The following DOCK2 variants were observed in gnomAD, a reference collection of about 807,000 sequenced individuals.
The protein encoded by DOCK2 is dedicator of cytokinesis 2.
Under a neutral mutation model 248.9 loss-of-function variants are expected in DOCK2, and 87 were observed. The ratio of observed to expected loss-of-function variants is 0.35; its 90% CI spans 0.29 to 0.42. The LOEUF (loss-of-function observed/expected upper bound fraction) is 0.42, where lower values mean the gene tolerates loss of function less well. Ranked by LOEUF, DOCK2 falls within the 10% of genes least tolerant of loss-of-function variation. DOCK2 has a pLI of 1.00. For missense variants in DOCK2, 1,747 were observed against 2,300.2 expected (o/e 0.76, Z 4.92); for synonymous variants, 805 against 821.6 (o/e 0.98, Z 0.35).
In DOCK2 at chr5:169,983,054, T is replaced by C; in HGVS notation, c.2800-14T>C. 6.2e-7 allele frequency: 1 copy of C among 1,613,856 alleles called. No homozygotes were observed. On this transcript the variant is annotated splice_polypyrimidine_tract_variant and intron_variant, in intron 27 of 51. Transcript: ENST00000520908. Reference sequence around the variant, plus strand: ...CTCTCAACTATTTATAGTATTTGTCTTCATTTCTTGCAGAGTCACTTTGTG... The same window carrying C: ...CTCTCAACTATTTATAGTATTTGTCCTCATTTCTTGCAGAGTCACTTTGTG...
At chr5:169,915,673 A>G (rs115915532) in intron 27 of DOCK2, among the ~76,000 whole-genome samples, 1,528 of 152,014 alleles carry the variant, frequency 0.01, 29 homozygotes, top group African/African-American at 0.035. Flanking sequence ...ACTGATGTTC[A>G]TTATTTAGAT....
chr5:170,081,168 A>G (rs6885293), intron 50 of DOCK2: 110,031 of 152,422 alleles, frequency 0.72, 40,665 homozygotes, highest in African/African-American at 0.89. Context: ...AATGGCAGAG[A>G]CTGAGTTCAG....
intron 27 of DOCK2, chr5:169,883,488 G>A (rs1581353604): frequency 1.3e-6 from 2 of 1,551,608 alleles, no homozygotes; most frequent in East Asian, 2.4e-5. Flanking sequence ...GTTCAGAGAG[G>A]TTACCGTTGA....
At chr5:169,984,924 A>T (rs1375437606) in intron 28 of DOCK2, among the ~76,000 whole-genome samples, 1 of 151,896 alleles carries the variant, frequency 6.6e-6, no homozygotes, top group East Asian at 1.9e-4. Context: ...TTCTTTATTT[A>T]TTTTTTATTT....
intron 26 of DOCK2, among the ~76,000 whole-genome samples, chr5:169,822,725 A>G (rs1231289969): frequency 6.6e-6 from 1 of 152,224 alleles, no homozygotes; most frequent in Non-Finnish European, 1.5e-5. Context: ...AAGCAAGAAC[A>G]AACACATTCA....
chr5:169,723,021 GA>G (rs1762290438), intron 22 of DOCK2, among the ~76,000 whole-genome samples: 1 of 152,192 alleles, frequency 6.6e-6, no homozygotes, highest in Non-Finnish European at 1.5e-5. Flanking sequence ...TTTCCTCTGT[GA>G]GTGTGATCAG....
chr5:170,041,796 G>A (rs1276508741), intron 37 of DOCK2, among the ~76,000 whole-genome samples: 1 of 152,196 alleles, frequency 6.6e-6, no homozygotes, highest in Non-Finnish European at 1.5e-5. Context: ...GCTGCCTGGA[G>A]GGCAACCTCC....
chr5:170,064,311 T>C (rs1035047070), intron 44 of DOCK2, among the ~76,000 whole-genome samples: 1 of 151,966 alleles, frequency 6.6e-6, no homozygotes. Flanking sequence ...AGTCAAGACA[T>C]GTGATTTACT....
At chr5:169,738,014 C>T (rs1049399276) in intron 22 of DOCK2, among the ~76,000 whole-genome samples, 6 of 152,230 alleles carry the variant, frequency 3.9e-5, no homozygotes, top group Admixed American at 2.6e-4. Flanking sequence ...GGACTGAGCC[C>T]TCACCCAATA....
chr5:169,737,306 A>G (rs1449411993), intron 22 of DOCK2, among the ~76,000 whole-genome samples: 1 of 152,146 alleles, frequency 6.6e-6, no homozygotes, highest in Non-Finnish European at 1.5e-5. Flanking sequence ...TGACCAAGGG[A>G]TAGAATGACT....
At chr5:169,767,827 T>A (rs1764875098) in intron 25 of DOCK2, among the ~76,000 whole-genome samples, 1 of 152,178 alleles carries the variant, frequency 6.6e-6, no homozygotes, top group African/African-American at 2.4e-5. Context: ...TATATTAAGT[T>A]TTTACAAAAA....
At chr5:169,819,583 T>C (rs1017508676) in intron 26 of DOCK2, among the ~76,000 whole-genome samples, 2 of 152,152 alleles carry the variant, frequency 1.3e-5, no homozygotes, top group African/African-American at 4.8e-5. Context: ...ATCACACCAC[T>C]GCACTCCAGC....
At chr5:169,821,666 A>G (rs546932419) in intron 26 of DOCK2, among the ~76,000 whole-genome samples, 31 of 152,346 alleles carry the variant, frequency 2.0e-4, no homozygotes, top group Non-Finnish European at 3.4e-4. Flanking sequence ...CTGCAAAAAC[A>G]TGTCAAATTG....
rs1311754736 is a variant in DOCK2, at chr5:169,803,140, C to T, written c.2637C>T (p.Val879=). The T allele has an allele frequency of 1.9e-6, 3 of 1,614,130 alleles. No individual in the cohort carries two copies. In the East Asian group the frequency reaches 6.7e-5, roughly 36 times the overall value. ...AGAAGGATGACATGCAACACCAGGT[C>T]CTGGAGAGGAAGTACTGCGTTGAAT... ...LEQKDDMQHQ[V]LERKYCVELL... Residue 879 remains valine, a synonymous_variant, in exon 26 of 52, where the codon GTC becomes GTT. Transcript: ENST00000520908.
At chr5:169,676,444 G>C (rs369075352) in intron 6 of DOCK2, among the ~76,000 whole-genome samples, 3 of 152,292 alleles carry the variant, frequency 2.0e-5, no homozygotes, top group African/African-American at 7.2e-5. Flanking sequence ...CTATAGCCCT[G>C]TGCTTTTAGT....
intron 5 of DOCK2, among the ~76,000 whole-genome samples, chr5:169,673,424 T>C (rs1327937056): frequency 6.6e-6 from 1 of 152,122 alleles, no homozygotes; most frequent in Non-Finnish European, 1.5e-5. Flanking sequence ...TTTTTAATTA[T>C]ACCACCCACA....
At chr5:169,861,569 T>C (rs1771199470) in intron 27 of DOCK2, among the ~76,000 whole-genome samples, 1 of 152,218 alleles carries the variant, frequency 6.6e-6, no homozygotes, top group Admixed American at 6.5e-5. Context: ...TAAGTTAATA[T>C]CTCTCCAGCA....
intron 30 of DOCK2, chr5:169,998,132 C>A: frequency 2.3e-6 from 1 of 440,458 alleles, no homozygotes; most frequent in Non-Finnish European, 4.5e-6. Context: ...TTATGCAAAA[C>A]CATGTGGCTT....
chr5:169,805,190 G>C (rs1767279132), intron 26 of DOCK2, among the ~76,000 whole-genome samples: 4 of 143,736 alleles, frequency 2.8e-5, no homozygotes, highest in Admixed American at 2.1e-4. Flanking sequence ...ACCAGCCTGG[G>C]CAACATTGCA....
Sources: gnomAD v4.1 joint callset for allele counts (sites outside exome capture counted in the v4.1 genomes callset) on GRCh38, gnomAD v4.1.1 for gene constraint, MANE v1.5 for transcripts, NCBI Gene and HGNC (gene_info 2026-07-23, HGNC 2026-07-21) for gene names.